The following EPB41L5 variants were observed in gnomAD, a reference collection of about 807,000 sequenced individuals.
EPB41L5 encodes the protein band 4.1-like protein 5.
A neutral mutation model predicts 106.6 loss-of-function variants in EPB41L5; 55 were observed. That is an observed-to-expected ratio of 0.52 (90% CI 0.42 to 0.65). EPB41L5 has a LOEUF of 0.65. EPB41L5 is among the 30% of genes least tolerant of loss of function. The probability of loss-of-function intolerance (pLI) is 0.00; values close to 1 mark genes in which losing one functional copy is unlikely to be tolerated. For missense variants in EPB41L5, 871 were observed against 882.1 expected, an observed-to-expected ratio of 0.99 and a Z score of 0.16; for synonymous variants, 297 against 306.7, an observed-to-expected ratio of 0.97 and a Z score of 0.33.
At chr2:120,120,020 A>G (rs557360511) in intron 16 of EPB41L5, among the ~76,000 whole-genome samples, 13 of 152,340 alleles carry the variant, frequency 8.5e-5, no homozygotes, top group South Asian at 4.1e-4. Context: ...CTACATGACT[A>G]TTTGACCAGT....
At chr2:120,063,269 G>T (rs1368965356) in intron 3 of EPB41L5, among the ~76,000 whole-genome samples, 33 of 151,284 alleles carry the variant, frequency 2.2e-4, no homozygotes, top group Admixed American at 2.0e-3. Context: ...TTGAACTAGG[G>T]AGGCAGAGGT....
chr2:120,071,376 A>G (rs1204235749), intron 3 of EPB41L5, among the ~76,000 whole-genome samples: 2 of 152,250 alleles, frequency 1.3e-5, no homozygotes, highest in Admixed American at 1.3e-4. Flanking sequence ...GGATAGGAAG[A>G]ATCAATATCA....
At chr2:120,055,880 G>T (rs967396478) in intron 3 of EPB41L5, among the ~76,000 whole-genome samples, 1 of 152,146 alleles carries the variant, frequency 6.6e-6, no homozygotes, top group Non-Finnish European at 1.5e-5. Context: ...TCTGCAAAAA[G>T]ATGGTTTTAT....
chr2:120,061,030 A>ATTTTTTTTTTT (rs1487982867), intron 3 of EPB41L5, among the ~76,000 whole-genome samples: 5 of 63,100 alleles, frequency 7.9e-5, no homozygotes, highest in Non-Finnish European at 1.0e-4. Context: ...GGTTCAGGGA[A>ATTTTTTTTTTT]GTTTTTTTTT....
intron 3 of EPB41L5, among the ~76,000 whole-genome samples, chr2:120,062,510 A>C (rs568757800): frequency 6.6e-6 from 1 of 152,344 alleles, no homozygotes; most frequent in Non-Finnish European, 1.5e-5. Context: ...AAGAAATGGA[A>C]TCATCAGGTC....
At position 120,075,324 on chromosome 2, in the gene EPB41L5, A is replaced by G. The variant is rs1682154396; in HGVS notation, c.408-152A>G. Reference sequence around the variant, plus strand: ...CTTACAAATTATATGAATGTATTCAATTATTTCATGTATCCCCAAACTATG... The same window carrying G: ...CTTACAAATTATATGAATGTATTCAGTTATTTCATGTATCCCCAAACTATG... On this transcript the variant is annotated intron_variant, in intron 5 of 24. Transcript: ENST00000263713. 2.6e-5 allele frequency: 17 copies of G among 663,450 alleles called. No homozygotes were observed. The South Asian group carries it at 2.9e-4, about 11-fold the overall frequency. 41.1% of individuals were successfully genotyped at this position (663,450 alleles called of 1,614,324 possible).
intron 14 of EPB41L5, among the ~76,000 whole-genome samples, chr2:120,098,172 G>GTGTGTGTGTGTGTGTA (rs1683889045): frequency 6.6e-6 from 1 of 151,220 alleles, no homozygotes; most frequent in South Asian, 2.1e-4. Context: ...GTGTGTGTGT[G>GTGTGTGTGTGTGTGTA]TGTGTGTGTG....
In EPB41L5 at chr2:120,055,147, GCCACCATGCCCGGCCTGTTCCATT is replaced by G. The variant is rs533376948; in HGVS notation, c.285+13038_285+13061del. ...CAAAGTGCTGGAATTATAGGCGTGAGCCACCATGCCCGGCCTGTTCCATTGATCTTTATGTTGATCCTTATGCCA... is the reference window on the plus strand; with the variant it reads ...CAAAGTGCTGGAATTATAGGCGTGAGGATCTTTATGTTGATCCTTATGCCA... On this transcript the variant is annotated intron_variant, in intron 3 of 24. Coordinates refer to ENST00000263713, the MANE Select transcript of EPB41L5 (RefSeq NM_020909.4). 4.6e-3 allele frequency among the ~76,000 whole-genome samples: 695 copies of G among 152,200 alleles called. 6 individuals carry two copies. The highest frequency in any genetic ancestry group is 0.014 in the African/African-American group (597 of 41,540).
chr2:120,069,068 A>G (rs1395145495), intron 3 of EPB41L5, among the ~76,000 whole-genome samples: 1 of 142,028 alleles, frequency 7.0e-6, no homozygotes, highest in Non-Finnish European at 1.5e-5. Flanking sequence ...GCAGAGACTG[A>G]GGTGAGCCAA....
chr2:120,076,470 CTTTTTTTTTTTTT>C (rs35333671), intron 7 of EPB41L5, among the ~76,000 whole-genome samples: 10 of 58,898 alleles, frequency 1.7e-4, no homozygotes, highest in Middle Eastern at 0.019. Context: ...AATTTTTGTA[CTTTTTTTTTTTTT>C]TTTTTTTTTT....
chr2:120,086,187 T>C (rs1013330927), intron 10 of EPB41L5, among the ~76,000 whole-genome samples: 1 of 151,960 alleles, frequency 6.6e-6, no homozygotes, highest in African/African-American at 2.4e-5. Context: ...TGTGACAGAG[T>C]GAGATTCTGT....
At chr2:120,041,118 C>T (rs1041858553) in intron 2 of EPB41L5, among the ~76,000 whole-genome samples, 7 of 151,998 alleles carry the variant, frequency 4.6e-5, no homozygotes, top group African/African-American at 1.7e-4. Context: ...ACAACATACC[C>T]CTTTTATGTT....
At chr2:120,056,081 C>T (rs985227476) in intron 3 of EPB41L5, among the ~76,000 whole-genome samples, 4 of 151,930 alleles carry the variant, frequency 2.6e-5, no homozygotes, top group Admixed American at 2.6e-4. Context: ...TTATAGATGC[C>T]CTTAATCAGA....
Position 120,174,921 on chromosome 2 carries a change from G to A in EPB41L5, c.*14G>A. On this transcript the variant is annotated 3_prime_UTR_variant, in exon 25 of 25. Transcript: ENST00000263713. ...ACTGAGCTCTGAGGGCCTGTAGCTG[G>A]AATACGCATCTCTCCAGCATTCCGT... 6.2e-7 allele frequency: 1 copy of A among 1,612,252 alleles called. No individual in the cohort carries two copies. Among genetic ancestry groups the A allele is most frequent in the Non-Finnish European group, 8.5e-7 (1 of 1,178,322 alleles).
At chr2:120,172,475 T>C (rs537619650) in intron 24 of EPB41L5, among the ~76,000 whole-genome samples, 1 of 152,186 alleles carries the variant, frequency 6.6e-6, no homozygotes, top group Non-Finnish European at 1.5e-5. Flanking sequence ...ATTGGAGCAG[T>C]GTGCTTTCTG....
chr2:120,071,125 G>A (rs969359304), intron 3 of EPB41L5, among the ~76,000 whole-genome samples: 1 of 152,212 alleles, frequency 6.6e-6, no homozygotes, highest in Non-Finnish European at 1.5e-5. Flanking sequence ...AAGCTGATAA[G>A]TAACTTCAGC....
At chr2:120,087,019 C>A (rs1347672960) in intron 10 of EPB41L5, 152 bp from the exon 11 acceptor site, 1 of 538,426 alleles carries the variant, frequency 1.9e-6, no homozygotes, top group Non-Finnish European at 3.3e-6. Flanking sequence ...TGTTTCCTGT[C>A]TTTTGATGGG....
At chr2:120,174,204 G>A (rs1183316976) in intron 24 of EPB41L5, among the ~76,000 whole-genome samples, 1 of 152,114 alleles carries the variant, frequency 6.6e-6, no homozygotes, top group Non-Finnish European at 1.5e-5. Context: ...GCCTGTAATC[G>A]CAGCACTTTG....
intron 22 of EPB41L5, among the ~76,000 whole-genome samples, chr2:120,166,645 C>G: frequency 6.6e-6 from 1 of 152,212 alleles, no homozygotes; most frequent in East Asian, 1.9e-4. Flanking sequence ...ACCATGTTGG[C>G]CAGGATGGTC....
Sources: gnomAD v4.1 joint callset for allele counts (sites outside exome capture counted in the v4.1 genomes callset) on GRCh38, gnomAD v4.1.1 for gene constraint, MANE v1.5 for transcripts, NCBI Gene and HGNC (gene_info 2026-07-23, HGNC 2026-07-21) for gene names.